The following RIOK3 variants were observed in gnomAD, a reference collection of about 807,000 sequenced individuals.
RIOK3 encodes serine/threonine-protein kinase RIO3.
A neutral mutation model predicts 63.5 loss-of-function variants in RIOK3; 40 were observed. The observed-to-expected ratio is 0.63, with a 90% CI of 0.49 to 0.82. The LOEUF (loss-of-function observed/expected upper bound fraction) is 0.82, where lower values mean the gene tolerates loss of function less well. RIOK3 is among the 40% of genes least tolerant of loss of function. The probability of loss-of-function intolerance (pLI) is 0.00; values close to 1 mark genes in which losing one functional copy is unlikely to be tolerated. For missense variants in RIOK3, 557 were observed against 637.0 expected (o/e 0.87, Z 1.35); for synonymous variants, 193 against 205.0 (o/e 0.94, Z 0.50).
intron 1 of RIOK3, among the ~76,000 whole-genome samples, chr18:23,459,279 A>G (rs540189111): frequency 6.6e-6 from 1 of 152,342 alleles, no homozygotes; most frequent in Non-Finnish European, 1.5e-5. Context: ...AGATGGGGAA[A>G]AGGACATTAG....
In RIOK3 at chr18:23,466,144, G is replaced by A; in HGVS notation, c.555G>A (p.Glu185=). 1 of 1,594,562 alleles carries A rather than the reference G, an allele frequency of 6.3e-7. No homozygotes were observed. Among genetic ancestry groups the A allele is most frequent in the Non-Finnish European group, 8.5e-7 (1 of 1,173,024 alleles). Residue 185 remains glutamate (E), a synonymous_variant, in exon 6 of 13, where the codon GAG becomes GAA. Coordinates refer to ENST00000339486, the MANE Select transcript of RIOK3 (RefSeq NM_003831.5). ...NTARMENFAP[E]FQVGDGIGMD... ...CTTCCTTTTGGCAGTTTGCACCTGA[G>A]TTTCAGGTAGGAGATGGAATTGGAA... is the stretch of plus-strand genomic sequence containing the variant.
At chr18:23,453,667 A>T (rs949095554) in intron 1 of RIOK3, among the ~76,000 whole-genome samples, 165 bp downstream of exon 1, 8 of 152,126 alleles carry the variant, frequency 5.3e-5, no homozygotes, top group Non-Finnish European at 8.8e-5. Context: ...ATGGGGATGG[A>T]GGGAGCGGAA....
intron 6 of RIOK3, among the ~76,000 whole-genome samples, chr18:23,467,035 G>A (rs2057413451): frequency 6.6e-6 from 1 of 151,666 alleles, no homozygotes; most frequent in African/African-American, 2.4e-5. Context: ...AAGATATTAG[G>A]CCAGGCGTGG....
chr18:23,466,797 C>T (rs1171003020), intron 6 of RIOK3, among the ~76,000 whole-genome samples: 3 of 151,634 alleles, frequency 2.0e-5, no homozygotes, highest in Admixed American at 6.6e-5. Context: ...TCAAGACCAG[C>T]CTGGGCAACA....
At chr18:23,480,505 G>A (rs2057523604) in intron 12 of RIOK3, among the ~76,000 whole-genome samples, 1 of 146,670 alleles carries the variant, frequency 6.8e-6, no homozygotes, top group African/African-American at 2.5e-5. Context: ...TTGCAATCAA[G>A]TTAAAAAAAA....
At chr18:23,476,936 T>G (rs147476613) in intron 9 of RIOK3, 70 bp from the exon 10 acceptor site, 2 of 1,328,488 alleles carry the variant, frequency 1.5e-6, no homozygotes, top group Non-Finnish European at 2.1e-6. Context: ...ATAAAAAACT[T>G]TCAGGGGTGT....
In RIOK3 at chr18:23,463,039, T is replaced by C. The variant is rs112166210; in HGVS notation, c.139T>C (p.Leu47=). The change falls in exon 2 of 13, where the codon TTG becomes CTG. Residue 47 remains leucine, a synonymous_variant. Transcript: ENST00000339486. ...DVMSEQLAKE[L]QLEEEAAVFP... ...AATGAGTGAACAGCTGGCCAAAGAATTGCAGTTAGAAGAAGAAGCTGCCGT... is the reference window on the plus strand; with the variant it reads ...AATGAGTGAACAGCTGGCCAAAGAACTGCAGTTAGAAGAAGAAGCTGCCGT... 2.6e-3 allele frequency: 4,187 copies of C among 1,610,386 alleles called. 15 individuals carry two copies. Among genetic ancestry groups the C allele is most frequent in the Non-Finnish European group, 2.6e-3 (3,035 of 1,178,672 alleles).
At position 23,468,513 on chromosome 18, in the gene RIOK3, G is replaced by T. The variant is rs868829053; in HGVS notation, c.815+987G>T. Among the ~76,000 whole-genome samples the T allele has an allele frequency of 6.0e-4, 91 of 151,938 alleles. No homozygotes were observed. The Middle Eastern group carries it at 0.01, about 17-fold the overall frequency. On this transcript the variant is annotated intron_variant, in intron 7 of 12. Transcript: ENST00000339486. ...AGATGGGCTTTCACCATGTTAGCCA[G>T]GCTGGTCTCAAACTCCTGACATCAG...
chr18:23,466,367 T>C, intron 6 of RIOK3, 91 bp downstream of exon 6: 1 of 1,057,332 alleles, frequency 9.5e-7, no homozygotes, highest in South Asian at 1.9e-5. Context: ...TCATGTTTGA[T>C]ATTTTTTCAT....
At chr18:23,479,100 C>T in intron 11 of RIOK3, 1 of 426,704 alleles carries the variant, frequency 2.3e-6, no homozygotes, top group Non-Finnish European at 4.4e-6. Context: ...CAGGAGTGAG[C>T]CGCCATGCCT....
chr18:23,455,012 C>T (rs2057328929), intron 1 of RIOK3, among the ~76,000 whole-genome samples: 1 of 151,342 alleles, frequency 6.6e-6, no homozygotes, highest in South Asian at 2.1e-4. Flanking sequence ...TTCCTTCCTT[C>T]CTTTCCTTCC....
chr18:23,464,413 A>T, intron 4 of RIOK3, 100 bp downstream of exon 4: 2 of 1,138,714 alleles, frequency 1.8e-6, no homozygotes, highest in Non-Finnish European at 1.3e-6. Flanking sequence ...TTTGAATCTC[A>T]TTTGGTAATT....
intron 7 of RIOK3, 90 bp from the exon 8 acceptor site, chr18:23,473,339 C>A: frequency 1.4e-6 from 1 of 718,564 alleles, no homozygotes; most frequent in East Asian, 2.8e-5. Context: ...GAAGGTAGAT[C>A]TAATTTAGTG....
intron 5 of RIOK3, among the ~76,000 whole-genome samples, chr18:23,465,506 T>G (rs2057400885): frequency 6.6e-6 from 1 of 152,224 alleles, no homozygotes; most frequent in South Asian, 2.1e-4. Flanking sequence ...TCTAGAAATA[T>G]TCCAGATCTA....
At chr18:23,468,948 C>T (rs1704073220) in intron 7 of RIOK3, among the ~76,000 whole-genome samples, 2 of 152,174 alleles carry the variant, frequency 1.3e-5, no homozygotes, top group East Asian at 1.9e-4. Flanking sequence ...CCCTTGGCCA[C>T]CTTTCAGTTG....
At chr18:23,476,815 G>A (rs2057494096) in intron 9 of RIOK3, among the ~76,000 whole-genome samples, 191 bp from the exon 10 acceptor site, 1 of 152,154 alleles carries the variant, frequency 6.6e-6, no homozygotes, top group African/African-American at 2.4e-5. Flanking sequence ...GGGAGGCTGA[G>A]GCAGGAGAAT....
At chr18:23,475,462 C>CAAAAAA (rs60717269) in intron 9 of RIOK3, among the ~76,000 whole-genome samples, 2 of 99,324 alleles carry the variant, frequency 2.0e-5, no homozygotes, top group Admixed American at 1.2e-4. Flanking sequence ...GACTCTGTCT[C>CAAAAAA]AAAAAAAAAA....
chr18:23,466,660 A>G (rs909865002), intron 6 of RIOK3, among the ~76,000 whole-genome samples: 1 of 146,784 alleles, frequency 6.8e-6, no homozygotes, highest in Non-Finnish European at 1.5e-5. Flanking sequence ...ACTGTACTGC[A>G]GCCTGGGTGA....
At chr18:23,479,509 C>A in intron 12 of RIOK3, 85 bp downstream of exon 12, 1 of 694,030 alleles carries the variant, frequency 1.4e-6, no homozygotes, top group Non-Finnish European at 2.5e-6. Context: ...CTAGTTTTAT[C>A]CTCCCTTTCC....
Sources: allele counts gnomAD v4.1 joint callset (sites outside exome capture counted in the v4.1 genomes callset), GRCh38; gene constraint gnomAD v4.1.1; transcripts MANE v1.5; gene names NCBI Gene and HGNC (gene_info 2026-07-23, HGNC 2026-07-21).